The following ALG2 variants were observed in gnomAD, a reference collection of about 807,000 sequenced individuals.
ALG2 encodes the protein alpha-1,3/1,6-mannosyltransferase ALG2.
In ALG2, 32 loss-of-function variants were observed where a neutral mutation model predicts 30.5. The ratio of observed to expected loss-of-function variants is 1.05; its 90% CI spans 0.79 to 1.41. ALG2 has a LOEUF of 1.41. Ranked by LOEUF, ALG2 falls within the 40% of genes most tolerant of loss-of-function variation. The pLI is 0.00. For synonymous variants in ALG2, 253 were observed against 224.8 expected (o/e 1.13, Z -1.12); for missense variants, 574 against 526.4 (o/e 1.09, Z -0.88).
Position 99,218,770 on chromosome 9 carries a change from A to G in ALG2, c.415T>C (p.Phe139Leu). ...RRKKILFYCH[F>L]PDLLLTKRDS... The stretch of plus-strand genomic sequence containing the variant: ...CTCTTGGTGAGAAGCAGATCTGGGA[A>G]GTGACAGTAAAATAGGATCTTCTTC... The change falls in exon 2 of 2, where the codon TTC becomes CTC. Residue 139 changes from phenylalanine to leucine, a missense_variant. Physicochemically the swap from Phe to Leu is conservative, Grantham distance 22 (BLOSUM62 0). Transcript: ENST00000476832. 6.2e-7 allele frequency: 1 copy of G among 1,613,420 alleles called. No individual in the cohort carries two copies. The highest frequency in any genetic ancestry group is 1.1e-5 in the South Asian group (1 of 91,086).
Position 99,217,528 on chromosome 9 carries a change from C to T in ALG2, c.*406G>A, listed in dbSNP as rs1481466497. ...TTCGGTGGATTGAATCTGGGAACTACAATAGCCCTGCTCTCATTATACTAT... is the reference window on the plus strand; with the variant it reads ...TTCGGTGGATTGAATCTGGGAACTATAATAGCCCTGCTCTCATTATACTAT... On this transcript the variant is annotated 3_prime_UTR_variant, in exon 2 of 2. Transcript: ENST00000476832. 5 of 455,660 alleles carry T rather than the reference C, an allele frequency of 1.1e-5. No individual in the cohort carries two copies. The highest frequency in any genetic ancestry group is 2.2e-5 in the Non-Finnish European group (5 of 227,720). The allele number at this position is 455,660 out of a possible 1,614,324, so 28.2% of individuals were successfully genotyped here. A position where few individuals can be genotyped will look rare whatever the true frequency, so the allele number is the denominator to read the frequency against.
At position 99,218,554 on chromosome 9, in the gene ALG2, C is replaced by A. The variant is rs753297689; in HGVS notation, c.631G>T (p.Val211Phe). 1 of 1,614,178 alleles carries A rather than the reference C, an allele frequency of 6.2e-7. No individual in the cohort carries two copies. Among genetic ancestry groups the A allele is most frequent in the Non-Finnish European group, 8.5e-7 (1 of 1,180,010 alleles). Residue 211 changes from valine (V) to phenylalanine (F), a missense_variant, in exon 2 of 2, where the codon GTT becomes TTT. By Grantham distance (50) the Val-to-Phe change is conservative. Transcript: ENST00000476832. ...AGGTCATCCAGCTTTTCAGGAACAA[C>A]TGAGTCAAAGCTGGTGACATTTAGA... ...PSLNVTSFDSVVPEKLDDLVP... is the reference protein window; with the variant it reads ...PSLNVTSFDSFVPEKLDDLVP...
At position 99,217,635 on chromosome 9, in the gene ALG2, T is replaced by C. The variant is rs1828716219; in HGVS notation, c.*299A>G. The C allele has an allele frequency of 5.9e-6, 3 of 507,864 alleles. No individual in the cohort carries two copies. Among genetic ancestry groups the C allele is most frequent in the African/African-American group, 3.8e-5 (2 of 52,410 alleles). 31.5% of individuals were successfully genotyped at this position (507,864 alleles called of 1,614,324 possible). ...AAGGCACAGTATCATTCAAAATTTA[T>C]AGACAGAAGAGCAATAATCCCGAGA... On this transcript the variant is annotated 3_prime_UTR_variant, in exon 2 of 2. Coordinates refer to ENST00000476832, the MANE Select transcript of ALG2 (RefSeq NM_033087.4).
chr9:99,220,961 C>G (rs1588620099), intron 1 of ALG2: 1 of 1,351,866 alleles, frequency 7.4e-7, no homozygotes, highest in African/African-American at 1.5e-5. Context: ...AGGGCAGATC[C>G]AGGTGGACAT....
In ALG2 at chr9:99,218,775, C is replaced by T; in HGVS notation, c.410G>A (p.Cys137Tyr). The T allele has an allele frequency of 6.2e-7, 1 of 1,613,046 alleles. No homozygotes were observed. Among genetic ancestry groups the T allele is most frequent in the Non-Finnish European group, 8.5e-7 (1 of 1,180,034 alleles). ...ARRRKKILFY[C>Y]HFPDLLLTKR... ...GGTGAGAAGCAGATCTGGGAAGTGACAGTAAAATAGGATCTTCTTCCGCCG... is the reference window on the plus strand; with the variant it reads ...GGTGAGAAGCAGATCTGGGAAGTGATAGTAAAATAGGATCTTCTTCCGCCG... Residue 137 changes from cysteine to tyrosine, a missense_variant, in exon 2 of 2, where the codon TGT becomes TAT. Physicochemically the swap from Cys to Tyr is radical, Grantham distance 194. Transcript: ENST00000476832.
rs1828727743 is a variant in ALG2, at chr9:99,218,169, C to T, written c.1016G>A (p.Cys339Tyr). 6.2e-7 allele frequency: 1 copy of T among 1,612,434 alleles called. No homozygotes were observed. Among genetic ancestry groups the T allele is most frequent in the African/African-American group, 1.3e-5 (1 of 74,902 alleles). ...IVPLEAMYMQCPVIAVNSGGP... is the reference protein window; with the variant it reads ...IVPLEAMYMQYPVIAVNSGGP... ...ACCCGAATTAACAGCAATGACTGGGCACTGCATGTACATGGCTTCCAGAGG... is the reference window on the plus strand; with the variant it reads ...ACCCGAATTAACAGCAATGACTGGGTACTGCATGTACATGGCTTCCAGAGG... The change falls in exon 2 of 2, where the codon TGC becomes TAC. Residue 339 changes from cysteine (C) to tyrosine (Y), a missense_variant. Cys to Tyr is a radical substitution (Grantham distance 194). Transcript: ENST00000476832.
chr9:99,221,144 GGA>G, intron 1 of ALG2: 2 of 1,358,646 alleles, frequency 1.5e-6, no homozygotes, highest in South Asian at 1.2e-5. Flanking sequence ...TGGCCTGAAA[GGA>G]GAGTCAACAA....
Position 99,221,884 on chromosome 9 carries a change from T to A in ALG2, c.11A>T (p.Glu4Val), listed in dbSNP as rs1458797552. 1 of 1,587,572 alleles carries A rather than the reference T, an allele frequency of 6.3e-7. No individual in the cohort carries two copies. Among genetic ancestry groups the A allele is most frequent in the Non-Finnish European group, 8.5e-7 (1 of 1,174,612 alleles). ...AACCGAGTCCCGTTCCCGGCCCTGC[T>A]CCTCCGCCATGGCCCTGGAGCCGCA... MAE[E>V]QGRERDSVPK... is the part of the protein sequence containing the mutation. Residue 4 changes from glutamate (E) to valine (V), a missense_variant, in exon 1 of 2, where the codon GAG (glutamate) becomes GTG (valine). Glu to Val is a moderately radical substitution (Grantham distance 121, BLOSUM62 -2). Coordinates refer to ENST00000476832, the MANE Select transcript of ALG2 (RefSeq NM_033087.4).
chr9:99,220,283 T>C (rs972589792), intron 1 of ALG2, among the ~76,000 whole-genome samples: 7 of 152,238 alleles, frequency 4.6e-5, no homozygotes, highest in African/African-American at 1.7e-4. Flanking sequence ...ACAACATTAG[T>C]GTCCTTTAAG....
chr9:99,216,864 T>C lies in ALG2; in HGVS notation c.*1070A>G, dbSNP rs754650118. 2.2e-6 allele frequency: 1 copy of C among 454,158 alleles called. No individual in the cohort carries two copies. The highest frequency in any genetic ancestry group is 1.6e-5 in the South Asian group (1 of 64,482). 28.1% of individuals were successfully genotyped at this position (454,158 alleles called of 1,614,324 possible). ...TCTAGCTCTTAAGAGTTGATAAATGTGGAGCCTTTGGCTAGTAAGCTTTGC... is the reference window on the plus strand; with the variant it reads ...TCTAGCTCTTAAGAGTTGATAAATGCGGAGCCTTTGGCTAGTAAGCTTTGC... On this transcript the variant is annotated 3_prime_UTR_variant, in exon 2 of 2. Coordinates refer to ENST00000476832, the MANE Select transcript of ALG2 (RefSeq NM_033087.4).
intron 1 of ALG2, chr9:99,221,018 GGA>G (rs1206141770): frequency 7.4e-7 from 1 of 1,352,822 alleles, no homozygotes; most frequent in African/African-American, 1.5e-5. Flanking sequence ...AAACCAATGG[GGA>G]GCCATGTACA....
rs752659798 is a variant in ALG2, at chr9:99,218,640, G to A, written c.545C>T (p.Ala182Val). The A allele has an allele frequency of 4.0e-5, 65 of 1,614,106 alleles. No homozygotes were observed. Among genetic ancestry groups the A allele is most frequent in the Non-Finnish European group, 5.3e-5 (63 of 1,180,042 alleles). The change falls in exon 2 of 2, where the codon GCT becomes GTT. Residue 182 changes from alanine (A) to valine (V), a missense_variant. Physicochemically the swap from Ala to Val is moderately conservative, Grantham distance 64 (BLOSUM62 0). Coordinates refer to ENST00000476832, the MANE Select transcript of ALG2 (RefSeq NM_033087.4). The stretch of plus-strand genomic sequence containing the variant: ...GGACTTGAATGTTTCCTTAAAAACA[G>A]CAGCTGTGAACTGGCTGTTGACTAA... The part of the protein sequence containing the change: ...CILVNSQFTA[A>V]VFKETFKSLS...
intron 1 of ALG2, chr9:99,221,198 T>C (rs1828794203): frequency 1.5e-6 from 2 of 1,352,426 alleles, no homozygotes; most frequent in Admixed American, 2.4e-5. Context: ...AGTTACTCAT[T>C]AGTAAAAGGT....
rs371772900 is a variant in ALG2 at position 99,218,786 on chromosome 9, G to A, written c.399C>T (p.Ile133=). 1 of 1,611,548 alleles carries A rather than the reference G, an allele frequency of 6.2e-7. No homozygotes were observed. The highest frequency in any genetic ancestry group is 1.3e-5 in the African/African-American group (1 of 74,890). ...VFRLARRRKK[I]LFYCHFPDLL... ...GATCTGGGAAGTGACAGTAAAATAG[G>A]ATCTTCTTCCGCCGTCTAGCCAGCC... Residue 133 remains isoleucine (I), a synonymous_variant, in exon 2 of 2, where the codon ATC becomes ATT. Transcript: ENST00000476832.
intron 1 of ALG2, chr9:99,221,141 A>C (rs781132064): frequency 2.9e-6 from 4 of 1,357,208 alleles, no homozygotes; most frequent in Non-Finnish European, 3.9e-6. Context: ...AAATGGCCTG[A>C]AAGGAGAGTC....
rs571894759 is a variant in ALG2 at position 99,221,081 on chromosome 9, A to T, written c.348+466T>A. On this transcript the variant is annotated intron_variant, in intron 1 of 1. Coordinates refer to ENST00000476832, the MANE Select transcript of ALG2 (RefSeq NM_033087.4). ...CAGCTTGGCGTTTTTAACACATGAC[A>T]CTGCTGAGGACGGTGTGGCCTGGCT... The T allele has an allele frequency of 1.6e-4, 223 of 1,359,460 alleles. No homozygotes were observed. In the Middle Eastern group the frequency reaches 4.2e-3, roughly 25 times the overall value. 84.2% of individuals were successfully genotyped at this position (1,359,460 alleles called of 1,614,324 possible).
intron 1 of ALG2, chr9:99,220,930 GA>G (rs772270508): frequency 7.5e-7 from 1 of 1,326,766 alleles, no homozygotes; most frequent in Non-Finnish European, 9.9e-7. Context: ...ATGCACGAAG[GA>G]AAGAGTCAAG....
Position 99,218,045 on chromosome 9 carries a change from A to T in ALG2, c.1140T>A (p.Pro380=), listed in dbSNP as rs776392894. The T allele has an allele frequency of 6.2e-7, 1 of 1,614,206 alleles. No homozygotes were observed. The highest frequency in any genetic ancestry group is 1.7e-5 in the Admixed American group (1 of 60,034). The change falls in exon 2 of 2, where the codon CCT becomes CCA. Residue 380 remains proline, a synonymous_variant. Coordinates refer to ENST00000476832, the MANE Select transcript of ALG2 (RefSeq NM_033087.4). ...CCAGGCCCATGGTGGCTTTTAAGGA[A>T]GGTTCACGGATGAACTTTTCTATTG... The part of the protein sequence containing the change: ...SEAIEKFIRE[P]SLKATMGLAG...
chr9:99,217,145 G>A lies in ALG2; in HGVS notation c.*789C>T. The A allele has an allele frequency of 2.2e-6, 1 of 454,092 alleles. No homozygotes were observed. Among genetic ancestry groups the A allele is most frequent in the South Asian group, 1.6e-5 (1 of 64,478 alleles). The allele number at this position is 454,092 out of a possible 1,614,324, so 28.1% of individuals were successfully genotyped here. On this transcript the variant is annotated 3_prime_UTR_variant, in exon 2 of 2. Transcript: ENST00000476832. ...AAACATTTGTGTCCTATACTTAGTA[G>A]GAGCTTGGTCAAGACAACACAAATA...
Sources: gnomAD v4.1 joint callset for allele counts (sites outside exome capture counted in the v4.1 genomes callset) on GRCh38, gnomAD v4.1.1 for gene constraint, MANE v1.5 for transcripts, NCBI Gene and HGNC (gene_info 2026-07-23, HGNC 2026-07-21) for gene names.